FOXP2: variants seen among roughly 807,000 people sequenced by gnomAD.
FOXP2 encodes forkhead box protein P2.
FOXP2 carries 12 observed loss-of-function variants against 115.8 expected under a neutral mutation model. The observed-to-expected ratio is 0.10, with a 90% CI of 0.07 to 0.17. FOXP2 has a LOEUF of 0.17. Among genes scored for constraint, FOXP2 ranks in the 10% least tolerant of loss-of-function variants. FOXP2 has a pLI of 1.00. For missense variants in FOXP2, 629 were observed against 843.5 expected (o/e 0.75, Z 3.15); for synonymous variants, 328 against 297.7 (o/e 1.10, Z -1.05).
Position 114,495,483 on chromosome 7 carries a change from C to CTCTTTTT in FOXP2, c.169-39133_169-39132insCTTTTTT, listed in dbSNP as rs776653007. ...TTCTTTGTTTTTTCTTTCTCTCTCT[C>CTCTTTTT]TTTTTTTTTTTTTTTTTTTTTTTTT... On this transcript the variant is annotated intron_variant, in intron 2 of 16. Transcript: ENST00000350908. Among the ~76,000 whole-genome samples, 91 of 61,470 alleles carry CTCTTTTT rather than the reference C, an allele frequency of 1.5e-3. 1 individual carries two copies. Among genetic ancestry groups the CTCTTTTT allele is most frequent in the Middle Eastern group, 0.013 (1 of 80 alleles). The allele number at this position is 61,470 out of a possible 152,430, so 40.3% of individuals were successfully genotyped here. A position where few individuals can be genotyped will look rare whatever the true frequency, so the allele number is the denominator to read the frequency against.
intron 2 of FOXP2, among the ~76,000 whole-genome samples, chr7:114,483,813 T>C (rs906871947): frequency 6.6e-6 from 1 of 151,786 alleles, no homozygotes; most frequent in Non-Finnish European, 1.5e-5. Context: ...TTAATAATTA[T>C]GATTATAATA....
In FOXP2 at chr7:114,325,535, T is replaced by A. The variant is rs1400504479; in HGVS notation, c.-11+37426T>A. Among the ~76,000 whole-genome samples, 2 of 151,974 alleles carry A rather than the reference T, an allele frequency of 1.3e-5. 1 individual carries two copies. ...ATCCTTGGATATTGGAAAATCTAAT[T>A]TTCTCAGTATATATCTGTAAACATT... On this transcript the variant is annotated intron_variant, in intron 2 of 17. Transcript: ENST00000634411.
At chr7:114,584,552 C>T (rs960601420) in intron 3 of FOXP2, among the ~76,000 whole-genome samples, 64 of 152,178 alleles carry the variant, frequency 4.2e-4, no homozygotes, top group African/African-American at 1.5e-3. Context: ...GTTTGTCAGT[C>T]TAAACACTTA....
At chr7:114,534,503 T>C (rs1180891411) in intron 2 of FOXP2, 114 bp from the exon 3 acceptor site, 7 of 885,726 alleles carry the variant, frequency 7.9e-6, no homozygotes, top group Admixed American at 1.8e-5. Context: ...TGATTCTCTC[T>C]AGAAAGGAAT....
intron 2 of FOXP2, among the ~76,000 whole-genome samples, chr7:114,323,171 A>C (rs1364570701): frequency 6.6e-6 from 1 of 152,156 alleles, no homozygotes; most frequent in Non-Finnish European, 1.5e-5. Context: ...ATTTAAACAC[A>C]TCAGAGCCTC....
intron 1 of FOXP2, among the ~76,000 whole-genome samples, chr7:114,175,776 A>ATT (rs1029832598): frequency 6.6e-6 from 1 of 152,172 alleles, no homozygotes; most frequent in African/African-American, 2.4e-5. Context: ...TTCATTGAAA[A>ATT]TTATGTTAAC....
intron 2 of FOXP2, among the ~76,000 whole-genome samples, chr7:114,299,456 A>C (rs1304424280): frequency 1.3e-5 from 2 of 151,988 alleles, no homozygotes; most frequent in Non-Finnish European, 2.9e-5. Flanking sequence ...ACCAATTATG[A>C]TAATCCTATT....
At chr7:114,457,006 A>G (rs1795339446) in intron 2 of FOXP2, among the ~76,000 whole-genome samples, 1 of 152,192 alleles carries the variant, frequency 6.6e-6, no homozygotes, top group Non-Finnish European at 1.5e-5. Context: ...AATGGTGATT[A>G]TCAAGGGCAA....
At chr7:114,633,846 A>G (rs1225795204) in intron 6 of FOXP2, among the ~76,000 whole-genome samples, 1 of 152,188 alleles carries the variant, frequency 6.6e-6, no homozygotes, top group Non-Finnish European at 1.5e-5. Flanking sequence ...AGGTTAAGGT[A>G]AAAGTATTTT....
At chr7:114,116,982 A>G (rs1333332894) in intron 1 of FOXP2, among the ~76,000 whole-genome samples, 4 of 152,088 alleles carry the variant, frequency 2.6e-5, no homozygotes, top group African/African-American at 9.7e-5. Context: ...TTTAAAGTTA[A>G]TACATATATC....
intron 1 of FOXP2, among the ~76,000 whole-genome samples, chr7:114,275,491 G>GT (rs1432002599): frequency 1.3e-5 from 2 of 152,086 alleles, no homozygotes; most frequent in African/African-American, 2.4e-5. Context: ...TGTTACAGCA[G>GT]TTTTTTAAAT....
At chr7:114,157,404 A>G (rs577139544) in intron 1 of FOXP2, among the ~76,000 whole-genome samples, 1 of 152,214 alleles carries the variant, frequency 6.6e-6, no homozygotes, top group African/African-American at 2.4e-5. Flanking sequence ...AAGGTATGGT[A>G]ACATTTGGAC....
At chr7:114,233,936 C>G (rs1254194185) in intron 1 of FOXP2, among the ~76,000 whole-genome samples, 1 of 152,162 alleles carries the variant, frequency 6.6e-6, no homozygotes, top group Non-Finnish European at 1.5e-5. Flanking sequence ...TAGCTTGAAC[C>G]TGGAAGGCAG....
intron 7 of FOXP2, among the ~76,000 whole-genome samples, 189 bp downstream of exon 7, chr7:114,642,812 A>ATATTTTTTTT (rs1308357594): frequency 4.1e-5 from 3 of 72,430 alleles, no homozygotes; most frequent in Admixed American, 2.0e-4. Flanking sequence ...ATATATATAT[A>ATATTTTTTTT]TTTTTTTTTT....
At chr7:114,276,489 T>C (rs1796192155) in intron 1 of FOXP2, among the ~76,000 whole-genome samples, 1 of 152,086 alleles carries the variant, frequency 6.6e-6, no homozygotes, top group African/African-American at 2.4e-5. Flanking sequence ...AAATGGTTCT[T>C]TTTCCCCTCC....
chr7:114,283,804 A>G (rs1394808281), intron 1 of FOXP2, among the ~76,000 whole-genome samples: 6 of 152,064 alleles, frequency 3.9e-5, no homozygotes, highest in African/African-American at 1.4e-4. Flanking sequence ...CTCTACAAAA[A>G]GTGAAAAAAT....
upstream of FOXP2, among the ~76,000 whole-genome samples, chr7:114,160,544 A>G (rs1485603254): frequency 6.6e-6 from 1 of 152,166 alleles, no homozygotes; most frequent in African/African-American, 2.4e-5. Context: ...AAGGGATGGG[A>G]AATGAAGATG....
At position 114,535,814 on chromosome 7, in the gene FOXP2, A is replaced by T. The variant is rs760470730; in HGVS notation, c.258+1108A>T. On this transcript the variant is annotated intron_variant, in intron 3 of 16. Transcript: ENST00000350908. Reference sequence around the variant, plus strand: ...AAGAAGAGGGACTTGGGGATAAGGGATGTTTCAACAGAGTACAGATGTCTG... The same window carrying T: ...AAGAAGAGGGACTTGGGGATAAGGGTTGTTTCAACAGAGTACAGATGTCTG... Among the ~76,000 whole-genome samples the T allele has an allele frequency of 2.0e-5, 3 of 151,708 alleles. No homozygotes were observed. In the East Asian group the frequency reaches 5.8e-4, roughly 29 times the overall value.
At chr7:114,214,979 C>T (rs1465987946) in intron 1 of FOXP2, among the ~76,000 whole-genome samples, 2 of 152,060 alleles carry the variant, frequency 1.3e-5, no homozygotes, top group East Asian at 1.9e-4. Flanking sequence ...CTTTTTAAAG[C>T]ATTTTGGATA....
Sources: allele counts gnomAD v4.1 joint callset (sites outside exome capture counted in the v4.1 genomes callset), GRCh38; gene constraint gnomAD v4.1.1; transcripts MANE v1.5; gene names NCBI Gene and HGNC (gene_info 2026-07-23, HGNC 2026-07-21).